The following PARP12 variants were observed in gnomAD, a reference collection of about 807,000 sequenced individuals.
PARP12 encodes the protein poly(ADP-ribose) polymerase family member 12.
PARP12 carries 59 observed loss-of-function variants against 72.4 expected under a neutral mutation model. The observed-to-expected ratio is 0.81, with a 90% CI of 0.66 to 1.01. The LOEUF (loss-of-function observed/expected upper bound fraction) is 1.01. Among genes scored for constraint, PARP12 ranks in the 50% least tolerant of loss-of-function variants. The pLI is 0.00. For synonymous variants in PARP12, 403 were observed against 371.4 expected, an observed-to-expected ratio of 1.09 and a Z score of -0.98; for missense variants, 851 against 914.0, an observed-to-expected ratio of 0.93 and a Z score of 0.89.
At chr7:140,062,373 A>C in intron 1 of PARP12, 149 bp downstream of exon 1, 1 of 828,396 alleles carries the variant, frequency 1.2e-6, no homozygotes. Flanking sequence ...GTGCTCATTA[A>C]ACGCTCGCTT....
chr7:140,040,234 C>T (rs762739212), intron 6 of PARP12, among the ~76,000 whole-genome samples: 2 of 152,222 alleles, frequency 1.3e-5, no homozygotes, highest in East Asian at 1.9e-4. Flanking sequence ...CTCCATGTCA[C>T]GCCAGCCTCT....
Position 140,024,864 on chromosome 7 carries a change from G to A in PARP12, c.1802C>T (p.Ala601Val). The A allele has an allele frequency of 1.9e-6, 3 of 1,613,312 alleles. No homozygotes were observed. Among genetic ancestry groups the A allele is most frequent in the Non-Finnish European group, 2.5e-6 (3 of 1,179,308 alleles). Residue 601 changes from alanine to valine, a missense_variant, in exon 12 of 12, where the codon GCT becomes GTT. Ala to Val is a moderately conservative substitution (Grantham distance 64). This residue lies in a region of PARP12 where 347 missense variants were observed against 396.1 expected (regional missense o/e 0.88). Coordinates refer to ENST00000263549, the MANE Select transcript of PARP12 (RefSeq NM_022750.4). ...YGKGSYFARD[A>V]AYSHHYSKSD... ...TTTGCTGTAGTGGTGGGAATATGCA[G>A]CATCTCGGGCAAAGTAGCTCCCTGA...
chr7:140,059,402 C>CTCTTTT (rs562927727), intron 1 of PARP12, among the ~76,000 whole-genome samples: 33 of 147,324 alleles, frequency 2.2e-4, no homozygotes, highest in African/African-American at 6.8e-4. Context: ...CTGAACCTAG[C>CTCTTTT]TTTTTTTTTT....
In PARP12 at chr7:140,026,349, C is replaced by T; in HGVS notation, c.1629-1G>A. On this transcript the variant is annotated splice_acceptor_variant, in intron 10 of 11. Coordinates refer to ENST00000263549, the MANE Select transcript of PARP12 (RefSeq NM_022750.4). LOFTEE classifies it high-confidence loss of function. The stretch of plus-strand genomic sequence containing the variant: ...CTGCTTCTGCATCTGTCCTTTTTGC[C>T]TAGAATCACAGAAGAATGTGTGCTG... 6.2e-7 allele frequency: 1 copy of T among 1,608,144 alleles called. No individual in the cohort carries two copies. Among genetic ancestry groups the T allele is most frequent in the Non-Finnish European group, 8.5e-7 (1 of 1,178,764 alleles).
At chr7:140,034,037 C>T (rs1471202907) in intron 8 of PARP12, 198 bp downstream of exon 8, 17 of 1,229,606 alleles carry the variant, frequency 1.4e-5, no homozygotes, top group Non-Finnish European at 1.7e-5. Context: ...TCTAATTATG[C>T]ATCACGAAGC....
At chr7:140,042,376 G>A (rs1435620581) in intron 5 of PARP12, among the ~76,000 whole-genome samples, 2 of 152,230 alleles carry the variant, frequency 1.3e-5, no homozygotes, top group East Asian at 3.8e-4. Flanking sequence ...GGGCAGGTGG[G>A]CTGCACAGCC....
intron 6 of PARP12, among the ~76,000 whole-genome samples, chr7:140,038,991 G>T (rs1288269745): frequency 1.3e-5 from 2 of 152,208 alleles, no homozygotes; most frequent in Non-Finnish European, 2.9e-5. Flanking sequence ...ACCCAGCAAA[G>T]GTTTCTTGGA....
chr7:140,042,235 G>T (rs1816507041), intron 5 of PARP12, among the ~76,000 whole-genome samples: 1 of 152,228 alleles, frequency 6.6e-6, no homozygotes, highest in South Asian at 2.1e-4. Flanking sequence ...ATTAGGCGAT[G>T]ACATTTTCAC....
At position 140,027,284 on chromosome 7, in the gene PARP12, G is replaced by A; in HGVS notation, c.1620C>T (p.Val540=). Residue 540 remains valine (V), a synonymous_variant, in exon 10 of 12, where the codon GTC becomes GTT. Transcript: ENST00000263549. ...AGCGAGCCCCAACGCACCACTGGTA[G>A]ACTTCCCAGAGGGCCAGGTTCTGTA... ...ERVQNLALWE[V]YQWQKGQMQK... 2 of 1,613,694 alleles carry A rather than the reference G, an allele frequency of 1.2e-6. No homozygotes were observed. Among genetic ancestry groups the A allele is most frequent in the Non-Finnish European group, 8.5e-7 (1 of 1,179,758 alleles).
At chr7:140,048,659 A>C (rs1585105418) in intron 4 of PARP12, among the ~76,000 whole-genome samples, 1 of 152,240 alleles carries the variant, frequency 6.6e-6, no homozygotes, top group East Asian at 1.9e-4. Context: ...TTTCTTGCAG[A>C]GGGAACCTGG....
intron 6 of PARP12, among the ~76,000 whole-genome samples, chr7:140,038,794 T>C (rs923788265): frequency 6.6e-6 from 1 of 152,160 alleles, no homozygotes; most frequent in Admixed American, 6.5e-5. Context: ...CTTTAGGTGT[T>C]ACTAACAGAA....
chr7:140,046,879 C>T lies in PARP12; in HGVS notation c.986+5G>A. The T allele has an allele frequency of 6.2e-7, 1 of 1,611,686 alleles. No individual in the cohort carries two copies. Among genetic ancestry groups the T allele is most frequent in the Non-Finnish European group, 8.5e-7 (1 of 1,178,880 alleles). On this transcript the variant is annotated splice_donor_5th_base_variant and intron_variant, in intron 5 of 11. Coordinates refer to ENST00000263549, the MANE Select transcript of PARP12 (RefSeq NM_022750.4). ...CAAAGCAGAGACAAGGGACATATTT[C>T]CTACCTTTCTATTTTGGGATTGCAA...
Position 140,050,943 on chromosome 7 carries a change from AC to A in PARP12, c.862+3718del, listed in dbSNP as rs1259161555. 2.6e-5 allele frequency among the ~76,000 whole-genome samples: 4 copies of A among 152,184 alleles called. No individual in the cohort carries two copies. The East Asian group carries it at 7.7e-4, about 29-fold the overall frequency. On this transcript the variant is annotated intron_variant, in intron 4 of 11. Transcript: ENST00000263549. ...ACACAACTCAATAAGAGATCAAATA[AC>A]CCAATAAAAATGGGTATAACTGTCA...
Position 140,024,611 on chromosome 7 carries a change from G to A in PARP12, c.2055C>T (p.Val685=), listed in dbSNP as rs777615832. ...IQYTTSSKPS[V]TPSILLALGS... The stretch of plus-strand genomic sequence containing the variant: ...CCAAGGCCAGCAGGATGGAGGGTGT[G>A]ACCGAGGGCTTGGAGGAGGTGGTGT... The change falls in exon 12 of 12, where the codon GTC becomes GTT. Residue 685 remains valine, a synonymous_variant. Transcript: ENST00000263549. 6 of 1,614,206 alleles carry A rather than the reference G, an allele frequency of 3.7e-6. No homozygotes were observed. The highest frequency in any genetic ancestry group is 4.2e-6 in the Non-Finnish European group (5 of 1,180,046).
chr7:140,058,419 A>G (rs1817282491), intron 1 of PARP12, among the ~76,000 whole-genome samples: 1 of 151,692 alleles, frequency 6.6e-6, no homozygotes, highest in African/African-American at 2.4e-5. Context: ...GCTGAGGCAG[A>G]AGAATGGCAT....
At chr7:140,043,555 T>A (rs1290669328) in intron 5 of PARP12, among the ~76,000 whole-genome samples, 1 of 152,066 alleles carries the variant, frequency 6.6e-6, no homozygotes, top group East Asian at 1.9e-4. Context: ...TGAGACAGAG[T>A]CTCACCCTGT....
At chr7:140,049,531 T>C (rs748719999) in intron 4 of PARP12, among the ~76,000 whole-genome samples, 4 of 152,150 alleles carry the variant, frequency 2.6e-5, no homozygotes, top group Admixed American at 6.5e-5. Flanking sequence ...TCAAATGCTA[T>C]ACCTACAAAC....
intron 10 of PARP12, among the ~76,000 whole-genome samples, chr7:140,027,046 G>A (rs897565035): frequency 4.6e-5 from 7 of 152,160 alleles, no homozygotes; most frequent in Non-Finnish European, 7.4e-5. Flanking sequence ...ACTCATGAAC[G>A]GGACCAGGTG....
rs573143203 is a variant in PARP12 at position 140,032,818 on chromosome 7, G to A, written c.1421+1417C>T. ...AAGAGAAACATAAAAAAGAGAAACC[G>A]GAAACTAATGTTACCCACAGTGGGA... is the stretch of plus-strand genomic sequence containing the variant. On this transcript the variant is annotated intron_variant, in intron 8 of 11. Transcript: ENST00000263549. 2.0e-5 allele frequency among the ~76,000 whole-genome samples: 3 copies of A among 152,158 alleles called. 1 individual carries two copies. Among genetic ancestry groups the A allele is most frequent in the African/African-American group, 7.2e-5 (3 of 41,498 alleles).
Sources: allele counts gnomAD v4.1 joint callset (sites outside exome capture counted in the v4.1 genomes callset), GRCh38; gene constraint gnomAD v4.1.1; regional missense constraint gnomAD v4.1.1; transcripts MANE v1.5; gene names NCBI Gene and HGNC (gene_info 2026-07-23, HGNC 2026-07-21).